The following HDAC9 variants were observed in gnomAD, a reference collection of about 807,000 sequenced individuals.
HDAC9 encodes histone deacetylase 9, also known as MEF-2 interacting transcription repressor (MITR) protein.
A neutral mutation model predicts 139.4 loss-of-function variants in HDAC9; 41 were observed. The ratio of observed to expected loss-of-function variants is 0.29; its 90% CI spans 0.23 to 0.38. The LOEUF is 0.38. Among genes scored for constraint, HDAC9 ranks in the 10% least tolerant of loss-of-function variants. The pLI is 1.00. For missense variants in HDAC9, 1,147 were observed against 1,297.0 expected, an observed-to-expected ratio of 0.88 and a Z score of 1.78; for synonymous variants, 517 against 476.2, an observed-to-expected ratio of 1.09 and a Z score of -1.12.
rs1796169791 is a variant in HDAC9 at position 18,835,476 on chromosome 7, C to T, written c.2476C>T (p.His826Tyr). ...TTTCATTTCCCTGTAGGATGTTCACCATGGAAACGGTACCCAGCAGGCCTT... is the reference window on the plus strand; with the variant it reads ...TTTCATTTCCCTGTAGGATGTTCACTATGGAAACGGTACCCAGCAGGCCTT... Reference protein sequence around the residue: ...KILIVDLDVHHGNGTQQAFYA... With the variant: ...KILIVDLDVHYGNGTQQAFYA... Residue 826 changes from histidine (H) to tyrosine (Y), a missense_variant, in exon 20 of 26, where the codon CAT becomes TAT. His to Tyr is a moderately conservative substitution (Grantham distance 83, BLOSUM62 2). Coordinates refer to ENST00000686413, the MANE Select transcript of HDAC9 (RefSeq NM_178425.4). The T allele has an allele frequency of 6.2e-7, 1 of 1,612,976 alleles. No individual in the cohort carries two copies. Among genetic ancestry groups the T allele is most frequent in the Non-Finnish European group, 8.5e-7 (1 of 1,179,334 alleles).
chr7:18,364,033 C>G (rs967119989), intron 1 of HDAC9, among the ~76,000 whole-genome samples: 2 of 152,194 alleles, frequency 1.3e-5, no homozygotes, highest in Admixed American at 6.6e-5. Flanking sequence ...TTTACAATGT[C>G]TATCTATAAA....
At chr7:18,192,061 C>T (rs1222591668) in intron 2 of HDAC9, among the ~76,000 whole-genome samples, 4 of 152,180 alleles carry the variant, frequency 2.6e-5, no homozygotes, top group Non-Finnish European at 5.9e-5. Flanking sequence ...AAAGTCAACT[C>T]ATTTTTCACC....
chr7:18,912,254 C>A (rs561350864), intron 22 of HDAC9, among the ~76,000 whole-genome samples: 1 of 152,068 alleles, frequency 6.6e-6, no homozygotes, highest in South Asian at 2.1e-4. Context: ...GATGAGCGAG[C>A]TTTAGGGAGT....
chr7:18,134,057 T>C (rs77394300), intron 1 of HDAC9, among the ~76,000 whole-genome samples: 6,410 of 151,710 alleles, frequency 0.042, 447 homozygotes, highest in African/African-American at 0.15. Context: ...TTGATTATAA[T>C]GTTCACCCTC....
At chr7:18,629,981 T>C (rs1170928486) in intron 7 of HDAC9, among the ~76,000 whole-genome samples, 5 of 152,132 alleles carry the variant, frequency 3.3e-5, no homozygotes, top group African/African-American at 1.2e-4. Context: ...GTGGGACTTA[T>C]GGCAGGAGGG....
chr7:18,152,648 G>A (rs766059930), intron 1 of HDAC9, among the ~76,000 whole-genome samples: 1 of 152,114 alleles, frequency 6.6e-6, no homozygotes, highest in African/African-American at 2.4e-5. Context: ...TGAAATCTGG[G>A]AGACAGGAGC....
intron 2 of HDAC9, among the ~76,000 whole-genome samples, chr7:18,269,748 A>G (rs1796233820): frequency 6.6e-6 from 1 of 152,024 alleles, no homozygotes; most frequent in African/African-American, 2.4e-5. Flanking sequence ...GTATATATAC[A>G]TATATACACA....
intron 1 of HDAC9, among the ~76,000 whole-genome samples, chr7:18,392,403 A>G (rs140372438): frequency 7.6e-4 from 35 of 46,260 alleles, no homozygotes; most frequent in African/African-American, 1.9e-3. Context: ...ATAGATGGAT[A>G]GATAGATAGA....
At chr7:18,196,217 T>TG (rs1037458543) in intron 2 of HDAC9, among the ~76,000 whole-genome samples, 37 of 152,262 alleles carry the variant, frequency 2.4e-4, no homozygotes, top group African/African-American at 8.7e-4. Flanking sequence ...TTGGAGCCAG[T>TG]GGGGTAAGAT....
At chr7:18,726,209 C>G (rs554052811) in intron 12 of HDAC9, among the ~76,000 whole-genome samples, 1 of 152,216 alleles carries the variant, frequency 6.6e-6, no homozygotes, top group South Asian at 2.1e-4. Context: ...GCAATGAGTA[C>G]AGTTGTGTTG....
At chr7:18,243,415 C>G (rs1794318425) in intron 2 of HDAC9, among the ~76,000 whole-genome samples, 1 of 152,128 alleles carries the variant, frequency 6.6e-6, no homozygotes. Context: ...AAGAAAGGGC[C>G]CCATGTTGGA....
At chr7:18,894,486 G>A (rs568873842) in intron 22 of HDAC9, among the ~76,000 whole-genome samples, 4 of 152,040 alleles carry the variant, frequency 2.6e-5, no homozygotes, top group Non-Finnish European at 5.9e-5. Flanking sequence ...GATAAAAACT[G>A]ACCACTAGAT....
intron 2 of HDAC9, among the ~76,000 whole-genome samples, chr7:18,239,207 G>A (rs974215925): frequency 6.6e-6 from 1 of 152,010 alleles, no homozygotes; most frequent in Non-Finnish European, 1.5e-5. Flanking sequence ...GAAAAACTGA[G>A]ATCATGTGCA....
intron 6 of HDAC9, among the ~76,000 whole-genome samples, chr7:18,621,961 G>C (rs1051556581): frequency 6.6e-6 from 1 of 152,274 alleles, no homozygotes; most frequent in Admixed American, 6.5e-5. Context: ...TGCCAGCCTG[G>C]GTTATAGGAG....
At chr7:18,783,026 A>G (rs1791386073) in intron 16 of HDAC9, among the ~76,000 whole-genome samples, 1 of 152,106 alleles carries the variant, frequency 6.6e-6, no homozygotes, top group African/African-American at 2.4e-5. Flanking sequence ...GGATTTGCCC[A>G]AAGCTTGCTT....
At chr7:18,371,903 T>TG (rs1271077790) in intron 1 of HDAC9, among the ~76,000 whole-genome samples, 4 of 152,218 alleles carry the variant, frequency 2.6e-5, no homozygotes. Context: ...TTCCTCAGTC[T>TG]GGAGATGGAA....
At chr7:18,221,042 T>C (rs1234680043) in intron 2 of HDAC9, among the ~76,000 whole-genome samples, 2 of 152,168 alleles carry the variant, frequency 1.3e-5, no homozygotes, top group African/African-American at 4.8e-5. Flanking sequence ...AAACACATAC[T>C]TTGAAAAATC....
chr7:18,997,731 C>G lies in HDAC9; in HGVS notation c.*1669C>G, dbSNP rs550916200. The G allele has an allele frequency of 6.6e-6, 1 of 152,176 alleles. No homozygotes were observed. Among genetic ancestry groups the G allele is most frequent in the Non-Finnish European group, 1.5e-5 (1 of 67,978 alleles). The allele number at this position is 152,176 out of a possible 1,614,324, so 9.4% of individuals were successfully genotyped here. The stretch of plus-strand genomic sequence containing the variant: ...TAAATCAAAGATGAAAGATTTCACT[C>G]AAGTAGAATTATATAACTCCCTTTG... On this transcript the variant is annotated 3_prime_UTR_variant, in exon 26 of 26. Coordinates refer to ENST00000686413, the MANE Select transcript of HDAC9 (RefSeq NM_178425.4).
chr7:18,520,114 A>T (rs1490539505), intron 2 of HDAC9, among the ~76,000 whole-genome samples: 1 of 152,092 alleles, frequency 6.6e-6, no homozygotes, highest in Non-Finnish European at 1.5e-5. Context: ...ATCACAGTTC[A>T]ATAAAGTGTT....
Sources: allele counts gnomAD v4.1 joint callset (sites outside exome capture counted in the v4.1 genomes callset), GRCh38; gene constraint gnomAD v4.1.1; transcripts MANE v1.5; gene names NCBI Gene and HGNC (gene_info 2026-07-23, HGNC 2026-07-21).